PRDM15: variants seen among roughly 807,000 people sequenced by gnomAD.
The protein encoded by PRDM15 is PR domain zinc finger protein 15.
A neutral mutation model predicts 128.6 loss-of-function variants in PRDM15; 64 were observed. That is an observed-to-expected ratio of 0.50 (90% confidence interval 0.41 to 0.61). The LOEUF (loss-of-function observed/expected upper bound fraction) is 0.61, where lower values mean the gene tolerates loss of function less well. Ranked by LOEUF, PRDM15 falls within the 20% of genes least tolerant of loss-of-function variation. The probability of loss-of-function intolerance (pLI) is 0.00; values close to 1 mark genes in which losing one functional copy is unlikely to be tolerated. For missense variants in PRDM15, 1,242 were observed against 1,569.1 expected, an observed-to-expected ratio of 0.79 and a Z score of 3.52; for synonymous variants, 615 against 621.8, an observed-to-expected ratio of 0.99 and a Z score of 0.16.
At chr21:41,868,022 T>A (rs2064074060) in intron 1 of PRDM15, among the ~76,000 whole-genome samples, 2 of 139,288 alleles carry the variant, frequency 1.4e-5, no homozygotes, top group African/African-American at 5.5e-5. Flanking sequence ...CACTGCAGCC[T>A]GGGCAACATT....
chr21:41,873,833 C>A (rs2064300677), intron 1 of PRDM15, among the ~76,000 whole-genome samples: 1 of 151,848 alleles, frequency 6.6e-6, no homozygotes, highest in South Asian at 2.1e-4. Flanking sequence ...TTGCTGAAGC[C>A]CAGGAATTTT....
At chr21:41,868,037 CAA>C (rs35935542) in intron 1 of PRDM15, among the ~76,000 whole-genome samples, 3,738 of 130,688 alleles carry the variant, frequency 0.029, 139 homozygotes, top group African/African-American at 0.091. Context: ...AACATTGTCT[CAA>C]AAAAAAAAAA....
Position 41,821,147 on chromosome 21 carries a change from G to A in PRDM15, c.1980C>T (p.Asn660=), listed in dbSNP as rs1416895819. The A allele has an allele frequency of 6.2e-7, 1 of 1,614,252 alleles. No individual in the cohort carries two copies. Among genetic ancestry groups the A allele is most frequent in the Admixed American group, 1.7e-5 (1 of 60,030 alleles). The part of the protein sequence containing the change: ...KEKGYGCSIC[N]RRFALKATYH... Reference sequence around the variant, plus strand: ...AGGTGGCCTTCAGTGCAAAGCGCCGGTTGCAGATGCTGCAGCCATAGCCCT... The same window carrying A: ...AGGTGGCCTTCAGTGCAAAGCGCCGATTGCAGATGCTGCAGCCATAGCCCT... The change falls in exon 16 of 24, where the codon AAC becomes AAT. Residue 660 remains asparagine, a synonymous_variant. Coordinates refer to ENST00000398548, the MANE Select transcript of PRDM15 (RefSeq NM_001040424.3). This position sits in a 1 kb window ranked among gnomAD's most constrained non-coding sequence, Gnocchi z 5.4.
chr21:41,870,571 G>A (rs930927754), intron 1 of PRDM15: 26 of 152,228 alleles, frequency 1.7e-4, no homozygotes, highest in African/African-American at 6.3e-4. Context: ...GCGGGTGGGT[G>A]GAGACGGACT....
chr21:41,828,072 T>C lies in PRDM15; in HGVS notation c.1534+94A>G. On this transcript the variant is annotated intron_variant, in intron 12 of 23. Transcript: ENST00000398548. The surrounding 1 kb of genome is among the most constrained non-coding windows in gnomAD (Gnocchi z 5.7). Reference sequence around the variant, plus strand: ...AAAGGAGCAGGCGGCACCGAACTGCTCCCCAAAGGCCCTGCTGACTGCTCC... The same window carrying C: ...AAAGGAGCAGGCGGCACCGAACTGCCCCCCAAAGGCCCTGCTGACTGCTCC... The C allele has an allele frequency of 7.4e-7, 1 of 1,352,014 alleles. No individual in the cohort carries two copies. The highest frequency in any genetic ancestry group is 1.0e-6 in the Non-Finnish European group (1 of 962,858). The allele number at this position is 1,352,014 out of a possible 1,614,324, so 83.8% of individuals were successfully genotyped here.
chr21:41,868,411 C>T (rs934241666), intron 1 of PRDM15, among the ~76,000 whole-genome samples: 1 of 152,062 alleles, frequency 6.6e-6, no homozygotes, highest in African/African-American at 2.4e-5. Context: ...AACTGACAGG[C>T]TGTTTTCCAG....
chr21:41,809,776 A>T (rs761323722), intron 21 of PRDM15, among the ~76,000 whole-genome samples: 6 of 152,068 alleles, frequency 3.9e-5, no homozygotes, highest in African/African-American at 9.7e-5. Context: ...CTGCGTCTGT[A>T]CAACTTCCCC....
intron 5 of PRDM15, among the ~76,000 whole-genome samples, chr21:41,849,243 T>G (rs2063354788): frequency 6.6e-6 from 1 of 152,198 alleles, no homozygotes; most frequent in South Asian, 2.1e-4. Flanking sequence ...AACTCAGCTG[T>G]GGTGGTGCTT....
chr21:41,877,039 G>C (rs2064443090), intron 1 of PRDM15, among the ~76,000 whole-genome samples: 1 of 151,990 alleles, frequency 6.6e-6, no homozygotes, highest in African/African-American at 2.4e-5. Context: ...GGCCACACTG[G>C]CCTGTCCCAT....
At position 41,862,696 on chromosome 21, in the gene PRDM15, C is replaced by A. The variant is rs530668925; in HGVS notation, c.-9-2324G>T. Among the ~76,000 whole-genome samples the A allele has an allele frequency of 1.8e-4, 28 of 152,302 alleles. No individual in the cohort carries two copies. The highest frequency in any genetic ancestry group is 6.7e-4 in the African/African-American group (28 of 41,566). ...AGCCACCCTGGGCTGCAGATCAGGC[C>A]TGATAAACGGAGCATCTTCAAAGTC... On this transcript the variant is annotated intron_variant, in intron 1 of 23. Transcript: ENST00000398548. The surrounding 1 kb of genome is among the most constrained non-coding windows in gnomAD (Gnocchi z 4.1).
At chr21:41,836,272 A>G (rs999164480) in intron 9 of PRDM15, 65 bp from the exon 10 acceptor site, 2 of 1,481,704 alleles carry the variant, frequency 1.3e-6, no homozygotes, top group African/African-American at 1.4e-5. Flanking sequence ...AAGCATGCCC[A>G]CCGGGGAAAT....
chr21:41,806,388 C>T (rs796910622), intron 21 of PRDM15, among the ~76,000 whole-genome samples: 1 of 48,952 alleles, frequency 2.0e-5, no homozygotes, highest in Non-Finnish European at 4.6e-5. Context: ...ATCACCACCA[C>T]CACCATCACC....
intron 6 of PRDM15, among the ~76,000 whole-genome samples, chr21:41,846,502 G>A (rs1467656358): frequency 6.6e-6 from 1 of 152,212 alleles, no homozygotes; most frequent in Non-Finnish European, 1.5e-5. Context: ...CCAGCAGTCT[G>A]AGCCAGCCTG....
At chr21:41,858,928 G>A (rs1039053595) in intron 3 of PRDM15, 8 of 875,378 alleles carry the variant, frequency 9.1e-6, no homozygotes, top group South Asian at 5.2e-5. Flanking sequence ...GCGGCAGCAC[G>A]TGCCAGGTAC....
At chr21:41,826,555 G>A (rs2062479806) in intron 12 of PRDM15, among the ~76,000 whole-genome samples, 1 of 152,152 alleles carries the variant, frequency 6.6e-6, no homozygotes. Context: ...TTATGGTTTT[G>A]AGGCATATTG....
At position 41,814,579 on chromosome 21, in the gene PRDM15, T is replaced by C. The variant is rs146269719; in HGVS notation, c.2392+1126A>G. 419 of 137,046 alleles carry C rather than the reference T, an allele frequency of 3.1e-3. 14 individuals carry two copies. Among genetic ancestry groups the C allele is most frequent in the Non-Finnish European group, 5.0e-3 (322 of 63,902 alleles). 8.5% of individuals were successfully genotyped at this position (137,046 alleles called of 1,614,324 possible). A position where few individuals can be genotyped will look rare whatever the true frequency, so the allele number is the denominator to read the frequency against. ...AGTGATTGCGCAGCGTGCTCTAGTG[T>C]TTTATGAGAATGCCTCGTGTTACTG... On this transcript the variant is annotated intron_variant, in intron 19 of 23. Transcript: ENST00000398548.
At chr21:41,834,621 G>T in intron 11 of PRDM15, 2 of 1,419,586 alleles carry the variant, frequency 1.4e-6, no homozygotes, top group Non-Finnish European at 9.6e-7. Context: ...CCCCGCTGGG[G>T]ACCCCCACTG....
chr21:41,819,353 G>A lies in PRDM15; in HGVS notation c.2260+229C>T, dbSNP rs1168464474. Among the ~76,000 whole-genome samples, 3 of 148,570 alleles carry A rather than the reference G, an allele frequency of 2.0e-5. 1 individual carries two copies. The highest frequency in any genetic ancestry group is 4.3e-4 in the South Asian group (2 of 4,680). Reference sequence around the variant, plus strand: ...CACCTTTCCCACACTCCCAGTTCTCGCTCACATCCCCTCCCAGCGCCCTGC... The same window carrying A: ...CACCTTTCCCACACTCCCAGTTCTCACTCACATCCCCTCCCAGCGCCCTGC... On this transcript the variant is annotated intron_variant, in intron 18 of 23. Transcript: ENST00000398548.
chr21:41,808,605 C>T (rs2061756013), intron 21 of PRDM15, among the ~76,000 whole-genome samples: 1 of 152,272 alleles, frequency 6.6e-6, no homozygotes, highest in Non-Finnish European at 1.5e-5. Flanking sequence ...TTACCCATCA[C>T]TTCAAGAACA....
Sources: gnomAD v4.1 joint callset for allele counts (sites outside exome capture counted in the v4.1 genomes callset) on GRCh38, gnomAD v4.1.1 for gene constraint, Gnocchi (gnomAD v3.1) non-coding constraint, MANE v1.5 for transcripts, NCBI Gene and HGNC (gene_info 2026-07-23, HGNC 2026-07-21) for gene names.